Variants in ATXN7 observed in about 807,000 individuals in gnomAD.
ATXN7 encodes the protein ataxin-7.
Under a neutral mutation model 70.5 loss-of-function variants are expected in ATXN7, and 12 were observed. The observed-to-expected ratio is 0.17, with a 90% CI of 0.11 to 0.28. ATXN7 has a LOEUF of 0.28. Ranked by LOEUF, ATXN7 falls within the 10% of genes least tolerant of loss-of-function variation. The pLI is 1.00. For synonymous variants in ATXN7, 498 were observed against 448.7 expected, an observed-to-expected ratio of 1.11 and a Z score of -1.39; for missense variants, 1,256 against 1,131.7, an observed-to-expected ratio of 1.11 and a Z score of -1.58.
chr3:63,921,082 A>G (rs892530460), intron 4 of ATXN7, among the ~76,000 whole-genome samples: 10 of 152,214 alleles, frequency 6.6e-5, no homozygotes, highest in Admixed American at 6.5e-5. Flanking sequence ...TGAGCAGAAG[A>G]AGGAGAACGA....
intron 4 of ATXN7, among the ~76,000 whole-genome samples, chr3:63,936,357 T>C (rs578212675): frequency 2.0e-5 from 3 of 152,302 alleles, no homozygotes; most frequent in South Asian, 4.1e-4. Context: ...TGTGTAGGAC[T>C]TAACTGGTTG....
chr3:63,992,957 C>A (rs995346340), intron 11 of ATXN7, among the ~76,000 whole-genome samples: 1 of 152,154 alleles, frequency 6.6e-6, no homozygotes. Flanking sequence ...TCTTTGAAGC[C>A]CTCAAGGAAA....
chr3:63,878,536 T>C (rs986961336), intron 1 of ATXN7: 4 of 152,196 alleles, frequency 2.6e-5, no homozygotes, highest in African/African-American at 9.7e-5. Flanking sequence ...GGAGAGAGAT[T>C]GCTGATTTTA....
At chr3:63,998,202 G>GGC (rs1553696277) in intron 12 of ATXN7, 3 of 950,972 alleles carry the variant, frequency 3.2e-6, no homozygotes, top group Non-Finnish European at 3.7e-6. Context: ...AGGACAGAAG[G>GGC]GGGGGGGGCC....
At chr3:63,942,590 T>C (rs2074789448) in intron 4 of ATXN7, among the ~76,000 whole-genome samples, 1 of 152,190 alleles carries the variant, frequency 6.6e-6, no homozygotes, top group Non-Finnish European at 1.5e-5. Context: ...AATGAATGAA[T>C]GATGTATTTA....
chr3:63,872,788 G>A (rs1192518109), intron 1 of ATXN7, among the ~76,000 whole-genome samples: 1 of 152,158 alleles, frequency 6.6e-6, no homozygotes, highest in African/African-American at 2.4e-5. Flanking sequence ...CTGTTCTGAG[G>A]AACAGTGCTA....
chr3:63,863,350 C>T (rs1702279037), upstream of ATXN7, among the ~76,000 whole-genome samples: 1 of 152,158 alleles, frequency 6.6e-6, no homozygotes, highest in Non-Finnish European at 1.5e-5. Context: ...AGCCCTAAGC[C>T]CGGCACCACT....
chr3:64,002,003 C>CAA lies in ATXN7; in HGVS notation c.*2550_*2551dup, dbSNP rs77184837. On this transcript the variant is annotated 3_prime_UTR_variant, in exon 13 of 13. Transcript: ENST00000674280. ...CAACTCCTGCAGTTTTCTTAACCTA[C>CAA]AAAAAAAAAAAAAAAGTGCTGCAAT... The CAA allele has an allele frequency of 2.0e-4, 19 of 95,220 alleles. No individual in the cohort carries two copies. Among genetic ancestry groups the CAA allele is most frequent in the African/African-American group, 4.1e-4 (11 of 26,526 alleles). The allele number at this position is 95,220 out of a possible 1,614,324, so 5.9% of individuals were successfully genotyped here. A position where few individuals can be genotyped will look rare whatever the true frequency, so the allele number is the denominator to read the frequency against.
rs144811575 is a variant in ATXN7 at position 63,996,677 on chromosome 3, T to A, written c.2661+194T>A. 7.6e-5 allele frequency: 51 copies of A among 669,072 alleles called. No individual in the cohort carries two copies. The East Asian group carries it at 1.4e-3, about 19-fold the overall frequency. The allele number at this position is 669,072 out of a possible 1,614,324, so 41.4% of individuals were successfully genotyped here. On this transcript the variant is annotated intron_variant, in intron 12 of 12. Transcript: ENST00000674280. ...CGTATGAAGGTAAAACAGGCTCTTC[T>A]GCCAGAATTTCTGGTGCCTTTGGAA...
chr3:63,983,051 C>G, intron 8 of ATXN7, 30 bp downstream of exon 8: 4 of 1,563,268 alleles, frequency 2.6e-6, no homozygotes, highest in Non-Finnish European at 3.5e-6. Context: ...TCAAGTCGAC[C>G]ATCCTGATAA....
intron 1 of ATXN7, among the ~76,000 whole-genome samples, chr3:63,890,219 A>C (rs1039285264): frequency 6.6e-6 from 1 of 152,240 alleles, no homozygotes; most frequent in African/African-American, 2.4e-5. Flanking sequence ...TTGTTGACCA[A>C]AACACAGTAG....
At chr3:63,960,152 A>T (rs941433279) in intron 5 of ATXN7, among the ~76,000 whole-genome samples, 22 of 152,200 alleles carry the variant, frequency 1.4e-4, no homozygotes, top group Admixed American at 1.1e-3. Flanking sequence ...GATGAAAGAG[A>T]GCCAGCCCAT....
At chr3:63,895,463 C>G (rs1703413630) in intron 1 of ATXN7, among the ~76,000 whole-genome samples, 1 of 150,320 alleles carries the variant, frequency 6.7e-6, no homozygotes, top group South Asian at 2.1e-4. Flanking sequence ...GATAGCTCTA[C>G]TTTTAAAATA....
intron 5 of ATXN7, among the ~76,000 whole-genome samples, chr3:63,953,255 C>T (rs1306296976): frequency 6.6e-6 from 1 of 152,078 alleles, no homozygotes; most frequent in Admixed American, 6.6e-5. Flanking sequence ...AAGAAAGCAT[C>T]TTAGGAGGTG....
rs911155795 is a variant in ATXN7, at chr3:63,999,703, A to T, written c.*236A>T. ...CAAGTTCAGCCACCGAATTGCTTTT[A>T]TCAGTGTTAAAGTGGTCTGAACTGC... On this transcript the variant is annotated 3_prime_UTR_variant, in exon 13 of 13. Transcript: ENST00000674280. The T allele has an allele frequency of 4.2e-6, 3 of 722,648 alleles. No homozygotes were observed. The highest frequency in any genetic ancestry group is 4.8e-5 in the Admixed American group (2 of 41,760). 44.8% of individuals were successfully genotyped at this position (722,648 alleles called of 1,614,324 possible).
At chr3:63,936,418 A>C (rs1350481730) in intron 4 of ATXN7, among the ~76,000 whole-genome samples, 1 of 152,194 alleles carries the variant, frequency 6.6e-6, no homozygotes. Flanking sequence ...AGCTGACTTG[A>C]AAATAGCCAA....
intron 2 of ATXN7, among the ~76,000 whole-genome samples, chr3:63,908,730 T>C (rs1703920843): frequency 6.6e-6 from 1 of 152,262 alleles, no homozygotes; most frequent in African/African-American, 2.4e-5. Context: ...GTCAACTTTT[T>C]GTTTTGTTTT....
intron 2 of ATXN7, among the ~76,000 whole-genome samples, chr3:63,906,085 A>G (rs190616405): frequency 6.6e-6 from 1 of 152,332 alleles, no homozygotes; most frequent in Non-Finnish European, 1.5e-5. Flanking sequence ...ATAGTCATTC[A>G]TACACATTAG....
chr3:63,998,194 G>GA (rs2075790504), intron 12 of ATXN7: 1 of 335,318 alleles, frequency 3.0e-6, no homozygotes. Context: ...TAACAAAAAG[G>GA]ACAGAAGGGG....
Sources: allele counts gnomAD v4.1 joint callset (sites outside exome capture counted in the v4.1 genomes callset), GRCh38; gene constraint gnomAD v4.1.1; transcripts MANE v1.5; gene names NCBI Gene and HGNC (gene_info 2026-07-23, HGNC 2026-07-21).